Variants in KIF26A observed in about 807,000 individuals in gnomAD.
The protein encoded by KIF26A is kinesin family member 26A.
In KIF26A, 74 loss-of-function variants were observed where a neutral mutation model predicts 126.0. That is an observed-to-expected ratio of 0.59 (90% CI 0.49 to 0.71). The LOEUF (loss-of-function observed/expected upper bound fraction) is 0.71, where lower values mean the gene tolerates loss of function less well. Among genes scored for constraint, KIF26A ranks in the 30% least tolerant of loss-of-function variants. The probability of loss-of-function intolerance (pLI) is 0.00; values close to 1 mark genes in which losing one functional copy is unlikely to be tolerated. For synonymous variants in KIF26A, 1,445 were observed against 1,232.7 expected (o/e 1.17, Z -3.61); for missense variants, 2,984 against 2,763.3 (o/e 1.08, Z -1.79).
In KIF26A at chr14:104,173,537, G is replaced by A. The variant is rs375829549; in HGVS notation, c.1867+24G>A. On this transcript the variant is annotated intron_variant, in intron 9 of 14. Coordinates refer to ENST00000423312, the MANE Select transcript of KIF26A (RefSeq NM_015656.2). ...AAGTAGGTGCCACACCCGCACTCCC[G>A]GGCCCCTGTGGGATGCGTGTCAGCA... is the stretch of plus-strand genomic sequence containing the variant. 5.1e-5 allele frequency: 78 copies of A among 1,523,106 alleles called. 1 individual carries two copies. In the South Asian group the frequency reaches 6.0e-4, roughly 12 times the overall value. 94.3% of individuals were successfully genotyped at this position (1,523,106 alleles called of 1,614,324 possible). A position where few individuals can be genotyped will look rare whatever the true frequency, so the allele number is the denominator to read the frequency against.
At chr14:104,162,518 T>A (rs1453499084) in intron 4 of KIF26A, among the ~76,000 whole-genome samples, 1 of 152,198 alleles carries the variant, frequency 6.6e-6, no homozygotes, top group Non-Finnish European at 1.5e-5. Flanking sequence ...GGCTCCAGCC[T>A]CAATCTCCCT....
rs930743061 is a variant in KIF26A at position 104,175,989 on chromosome 14, C to G, written c.3201C>G (p.Ala1067=). 1.3e-6 allele frequency: 2 copies of G among 1,580,986 alleles called. No individual in the cohort carries two copies. Among genetic ancestry groups the G allele is most frequent in the Non-Finnish European group, 1.7e-6 (2 of 1,170,146 alleles). ...FDSDCSLRAL[A]SGSRPVSIIS... is the part of the protein sequence containing the mutation. ...GTGACTGCTCCCTGCGGGCCCTGGC[C>G]TCGGGGTCCCGGCCAGTCAGCATCA... The change falls in exon 12 of 15, where the codon GCC becomes GCG. Residue 1067 remains alanine, a synonymous_variant. Transcript: ENST00000423312.
chr14:104,159,648 C>T (rs1179843371), intron 4 of KIF26A, among the ~76,000 whole-genome samples: 3 of 152,224 alleles, frequency 2.0e-5, no homozygotes, highest in East Asian at 1.9e-4. Flanking sequence ...GACCCAGAGG[C>T]GGTTCTCCCA....
At chr14:104,157,056 C>CT (rs2037785603) in intron 3 of KIF26A, among the ~76,000 whole-genome samples, 1 of 152,242 alleles carries the variant, frequency 6.6e-6, no homozygotes, top group Non-Finnish European at 1.5e-5. Flanking sequence ...GGGTTGCATC[C>CT]CCCCACGCCG....
At chr14:104,171,068 G>T (rs910901596) in intron 5 of KIF26A, among the ~76,000 whole-genome samples, 1 of 152,248 alleles carries the variant, frequency 6.6e-6, no homozygotes, top group African/African-American at 2.4e-5. Context: ...TGAGGCCGAG[G>T]CGTCAGAATT....
intron 3 of KIF26A, among the ~76,000 whole-genome samples, chr14:104,153,838 C>G (rs533981262): frequency 1.3e-5 from 2 of 152,186 alleles, no homozygotes; most frequent in South Asian, 2.1e-4. Context: ...GCACCCTGCC[C>G]GTGGCTGAGG....
At chr14:104,166,632 G>A (rs1472360080) in intron 4 of KIF26A, among the ~76,000 whole-genome samples, 1 of 152,120 alleles carries the variant, frequency 6.6e-6, no homozygotes, top group Non-Finnish European at 1.5e-5. Context: ...CACAAGCTTG[G>A]TGTGAATGCT....
intron 5 of KIF26A, among the ~76,000 whole-genome samples, chr14:104,170,852 C>T (rs1232185490): frequency 6.6e-6 from 1 of 152,244 alleles, no homozygotes; most frequent in Non-Finnish European, 1.5e-5. Context: ...TCTCAGGGTA[C>T]TGGGGCTGGT....
At position 104,171,950 on chromosome 14, in the gene KIF26A, A is replaced by G. The variant is rs201446180; in HGVS notation, c.1326+15A>G. The G allele has an allele frequency of 1.3e-6, 2 of 1,547,300 alleles. No homozygotes were observed. The highest frequency in any genetic ancestry group is 2.4e-5 in the South Asian group (2 of 83,886). ...ACTCCGAGCAGGTACGGGCAGGCGGACTGGGCGTCCTCCCGGAGACCCGGA... is the reference window on the plus strand; with the variant it reads ...ACTCCGAGCAGGTACGGGCAGGCGGGCTGGGCGTCCTCCCGGAGACCCGGA... On this transcript the variant is annotated intron_variant, in intron 6 of 14. Transcript: ENST00000423312.
At position 104,179,218 on chromosome 14, in the gene KIF26A, GC is replaced by G; in HGVS notation, c.5317-15del. 6.9e-7 allele frequency: 1 copy of G among 1,448,754 alleles called. No individual in the cohort carries two copies. The highest frequency in any genetic ancestry group is 9.1e-7 in the Non-Finnish European group (1 of 1,104,800). 89.7% of individuals were successfully genotyped at this position (1,448,754 alleles called of 1,614,324 possible). On this transcript the variant is annotated splice_polypyrimidine_tract_variant and intron_variant, in intron 13 of 14. Coordinates refer to ENST00000423312, the MANE Select transcript of KIF26A (RefSeq NM_015656.2). ...GAGAGGGTCCCATGCCTGAGCCCCC[GC>G]CCGCCCTGCCTCCCAGGGTCTGGCG...
chr14:104,145,196 G>A (rs2037669620), intron 2 of KIF26A, among the ~76,000 whole-genome samples: 1 of 152,256 alleles, frequency 6.6e-6, no homozygotes, highest in Non-Finnish European at 1.5e-5. Context: ...CGTCGTCACT[G>A]TTGCTTCTTC....
At chr14:104,153,119 A>G (rs1208787672) in intron 3 of KIF26A, among the ~76,000 whole-genome samples, 1 of 152,118 alleles carries the variant, frequency 6.6e-6, no homozygotes, top group African/African-American at 2.4e-5. Context: ...AACATTGGCC[A>G]CTGATCCTAA....
At chr14:104,178,412 C>T (rs570018107) in intron 12 of KIF26A, 138 bp from the exon 13 acceptor site, 90 of 641,512 alleles carry the variant, frequency 1.4e-4, no homozygotes, top group African/African-American at 7.0e-4. Flanking sequence ...CTGGGCAGAG[C>T]GCCAGCCTGA....
intron 2 of KIF26A, among the ~76,000 whole-genome samples, chr14:104,140,310 C>T (rs2037625913): frequency 6.6e-6 from 1 of 152,124 alleles, no homozygotes; most frequent in African/African-American, 2.4e-5. Context: ...GTGGGCCTGT[C>T]CTGGGGTGGG....
chr14:104,158,043 A>C (rs375956170), intron 4 of KIF26A, 101 bp downstream of exon 4: 2 of 1,148,116 alleles, frequency 1.7e-6, no homozygotes, highest in East Asian at 3.0e-5. Context: ...GACCTCGGGC[A>C]TGCTTGCTGC....
chr14:104,154,999 GGCT>G (rs1465104038), intron 3 of KIF26A, among the ~76,000 whole-genome samples: 1 of 152,200 alleles, frequency 6.6e-6, no homozygotes, highest in Non-Finnish European at 1.5e-5. Flanking sequence ...TTGAACTCAG[GGCT>G]GTCCAGGCCC....
intron 12 of KIF26A, 107 bp downstream of exon 12, chr14:104,178,005 C>T: frequency 8.0e-7 from 1 of 1,257,160 alleles, no homozygotes. Flanking sequence ...CAGATGGGCA[C>T]AGCCTTCAAG....
At chr14:104,160,482 A>G (rs1322783980) in intron 4 of KIF26A, among the ~76,000 whole-genome samples, 1 of 152,070 alleles carries the variant, frequency 6.6e-6, no homozygotes, top group Non-Finnish European at 1.5e-5. Context: ...TAGATAGAGC[A>G]GGGGCTGAGC....
intron 2 of KIF26A, among the ~76,000 whole-genome samples, chr14:104,150,736 T>C (rs1476621255): frequency 6.6e-6 from 1 of 152,182 alleles, no homozygotes; most frequent in Non-Finnish European, 1.5e-5. Flanking sequence ...CTGGAATCCC[T>C]TGAGGCAACA....
Sources: gnomAD v4.1 joint callset for allele counts (sites outside exome capture counted in the v4.1 genomes callset) on GRCh38, gnomAD v4.1.1 for gene constraint, MANE v1.5 for transcripts, NCBI Gene and HGNC (gene_info 2026-07-23, HGNC 2026-07-21) for gene names.